The following ABLIM1 variants were observed in gnomAD, a reference collection of about 807,000 sequenced individuals.
ABLIM1 encodes the protein actin binding LIM protein 1, also known as actin-binding LIM protein 1.
ABLIM1 carries 40 observed loss-of-function variants against 107.0 expected under a neutral mutation model. The ratio of observed to expected loss-of-function variants is 0.37; its 90% confidence interval spans 0.29 to 0.49. The LOEUF is 0.49. Among genes scored for constraint, ABLIM1 ranks in the 20% least tolerant of loss-of-function variants. The pLI is 0.97. For synonymous variants in ABLIM1, 357 were observed against 357.3 expected (o/e 1.00, Z 0.01); for missense variants, 857 against 1,008.5 (o/e 0.85, Z 2.04).
intron 6 of ABLIM1, among the ~76,000 whole-genome samples, chr10:114,509,087 G>T (rs183682909): frequency 1.3e-4 from 20 of 152,164 alleles, no homozygotes; most frequent in Non-Finnish European, 1.6e-4. Context: ...GAATAAATTC[G>T]TATGGAGAAT....
chr10:114,752,163 A>G (rs1471774658), intron 1 of ABLIM1, among the ~76,000 whole-genome samples: 1 of 152,188 alleles, frequency 6.6e-6, no homozygotes, highest in Non-Finnish European at 1.5e-5. Flanking sequence ...AGGTCTTGTA[A>G]GTGGAAGAGT....
At chr10:114,440,016 A>T (rs2059969651) in intron 20 of ABLIM1, 66 bp downstream of exon 20, 4 of 1,612,880 alleles carry the variant, frequency 2.5e-6, no homozygotes, top group Non-Finnish European at 3.4e-6. Flanking sequence ...TGGAGCCAGC[A>T]GTCTGGGTTG....
intron 1 of ABLIM1, among the ~76,000 whole-genome samples, chr10:114,657,368 T>A (rs1445053339): frequency 6.6e-6 from 1 of 152,206 alleles, no homozygotes; most frequent in Non-Finnish European, 1.5e-5. Context: ...CCAAGTGCAA[T>A]AACTCTATCC....
At position 114,454,054 on chromosome 10, in the gene ABLIM1, T is replaced by C. The variant is rs185185365; in HGVS notation, c.1442-571A>G. On this transcript the variant is annotated intron_variant, in intron 12 of 22. Coordinates refer to ENST00000533213, the MANE Select transcript of ABLIM1 (RefSeq NM_002313.7). Reference sequence around the variant, plus strand: ...TGTTTCTGTTTTCCTCACTTTGAAATATATAAAATAGAGTCAGACGCGTGT... The same window carrying C: ...TGTTTCTGTTTTCCTCACTTTGAAACATATAAAATAGAGTCAGACGCGTGT... 3.3e-5 allele frequency among the ~76,000 whole-genome samples: 5 copies of C among 152,302 alleles called. No individual in the cohort carries two copies. In the East Asian group the frequency reaches 9.6e-4, roughly 29 times the overall value.
chr10:114,685,506 T>A (rs916099882), upstream of ABLIM1, among the ~76,000 whole-genome samples: 3 of 152,206 alleles, frequency 2.0e-5, no homozygotes. Context: ...GTGGCTTTTT[T>A]ATTTTGTTTT....
At chr10:114,686,473 A>G (rs2080938949), upstream of ABLIM1, among the ~76,000 whole-genome samples, 2 of 151,728 alleles carry the variant, frequency 1.3e-5, no homozygotes, top group Non-Finnish European at 2.9e-5. Context: ...TGATCACACC[A>G]CTGCATGCCA....
chr10:114,474,070 C>G, intron 8 of ABLIM1, 114 bp from the exon 9 acceptor site: 1 of 700,016 alleles, frequency 1.4e-6, no homozygotes, highest in Non-Finnish European at 2.4e-6. Flanking sequence ...AAACACTTAT[C>G]ACCTTTTTGA....
intron 1 of ABLIM1, among the ~76,000 whole-genome samples, chr10:114,740,732 G>A (rs542813220): frequency 3.9e-5 from 6 of 152,166 alleles, no homozygotes; most frequent in African/African-American, 1.4e-4. Flanking sequence ...GAGCCTATAT[G>A]AAAGCAGTCT....
rs192839010 is a variant in ABLIM1, at chr10:114,619,477, G to A, written c.245-17516C>T. Among the ~76,000 whole-genome samples, 83 of 152,252 alleles carry A rather than the reference G, an allele frequency of 5.5e-4. 1 individual carries two copies. Among genetic ancestry groups the A allele is most frequent in the South Asian group, 4.8e-3 (23 of 4,824 alleles). On this transcript the variant is annotated intron_variant, in intron 1 of 22. Transcript: ENST00000533213. The surrounding 1 kb of genome is among the most constrained non-coding windows in gnomAD (Gnocchi z 4.1). ...CTCCCAAAGTGCTAGGATTACAGGC[G>A]TGAGCCACTGTGCCTGGCTGAAATG...
chr10:114,459,587 A>G (rs1423394464), intron 12 of ABLIM1, among the ~76,000 whole-genome samples: 1 of 151,826 alleles, frequency 6.6e-6, no homozygotes, highest in East Asian at 1.9e-4. Context: ...CTCCCTGTGG[A>G]GCAGGACTGC....
At chr10:114,607,418 C>T (rs2076497078) in intron 1 of ABLIM1, among the ~76,000 whole-genome samples, 1 of 152,154 alleles carries the variant, frequency 6.6e-6, no homozygotes, top group Admixed American at 6.5e-5. Context: ...GAGGTGCAGC[C>T]TAACTCCCCA....
At chr10:114,517,472 C>T (rs2063038784) in intron 6 of ABLIM1, among the ~76,000 whole-genome samples, 1 of 152,136 alleles carries the variant, frequency 6.6e-6, no homozygotes, top group Non-Finnish European at 1.5e-5. Flanking sequence ...ACACCGACAA[C>T]ACTTTGATTT....
intron 16 of ABLIM1, among the ~76,000 whole-genome samples, chr10:114,445,054 C>T (rs2060807653): frequency 6.6e-6 from 1 of 152,182 alleles, no homozygotes. Flanking sequence ...TCTTTCCTTC[C>T]CACAACAACC....
chr10:114,728,591 C>CT lies in ABLIM1; in HGVS notation c.-213+39469_-213+39470insA, dbSNP rs1404341703. Among the ~76,000 whole-genome samples the CT allele has an allele frequency of 4.4e-5, 3 of 67,642 alleles. No homozygotes were observed. In the East Asian group the frequency reaches 9.0e-4, roughly 20 times the overall value. The allele number at this position is 67,642 out of a possible 152,430, so 44.4% of individuals were successfully genotyped here. On this transcript the variant is annotated intron_variant, in intron 1 of 15. Transcript: ENST00000651092. ...TTAATCTGAAAGACAAAATGGAGAG[C>CT]CAAAAAAAAAAAAAATAGAAAAAAC... is the stretch of plus-strand genomic sequence containing the variant.
chr10:114,504,401 TG>T (rs139897940), intron 6 of ABLIM1, among the ~76,000 whole-genome samples: 23,548 of 152,042 alleles, frequency 0.15, 2,405 homozygotes, highest in East Asian at 0.48. Context: ...TCCTGCTACA[TG>T]TTAAGGCTCA....
chr10:114,525,034 T>A (rs2064448514), intron 6 of ABLIM1, among the ~76,000 whole-genome samples: 2 of 152,256 alleles, frequency 1.3e-5, no homozygotes, highest in Non-Finnish European at 2.9e-5. Context: ...TAGCAGTGAT[T>A]CCCAACCAGG....
At chr10:114,658,302 TTTCTC>T, upstream of ABLIM1, 1 of 1,507,910 alleles carries the variant, frequency 6.6e-7, no homozygotes, top group Non-Finnish European at 8.8e-7. Flanking sequence ...ACTGTCTCCT[TTTCTC>T]ACTGCCCAGC....
At chr10:114,616,033 T>A (rs2077110924) in intron 1 of ABLIM1, among the ~76,000 whole-genome samples, 2 of 152,096 alleles carry the variant, frequency 1.3e-5, no homozygotes, top group African/African-American at 2.4e-5. Context: ...TTATTTATTT[T>A]TTATCAAAGT....
chr10:114,747,777 C>T lies in ABLIM1; in HGVS notation c.-213+20284G>A, dbSNP rs1330010652. Among the ~76,000 whole-genome samples, 6 of 152,338 alleles carry T rather than the reference C, an allele frequency of 3.9e-5. No individual in the cohort carries two copies. In the South Asian group the frequency reaches 6.2e-4, roughly 16 times the overall value. ...ATTGAAGCCTGGGCACGATGGCTCA[C>T]GCCTGTAATCCCAGCACTTTGGGAG... On this transcript the variant is annotated intron_variant, in intron 1 of 15. Transcript: ENST00000651092.
Sources: gnomAD v4.1 joint callset for allele counts (sites outside exome capture counted in the v4.1 genomes callset) on GRCh38, gnomAD v4.1.1 for gene constraint, Gnocchi (gnomAD v3.1) non-coding constraint, MANE v1.5 for transcripts, NCBI Gene and HGNC (gene_info 2026-07-23, HGNC 2026-07-21) for gene names.